RUSF1: variants seen among roughly 807,000 people sequenced by gnomAD.
RUSF1 encodes RUS1 family protein C16orf58.
In RUSF1, 58 loss-of-function variants were observed where a neutral mutation model predicts 63.0. The ratio of observed to expected loss-of-function variants is 0.92; its 90% CI spans 0.75 to 1.15. The LOEUF is 1.15. Among genes scored for constraint, RUSF1 ranks in the 50% most tolerant of loss-of-function variants. The probability of loss-of-function intolerance (pLI) is 0.00; values close to 1 mark genes in which losing one functional copy is unlikely to be tolerated. For missense variants in RUSF1, 652 were observed against 611.0 expected (o/e 1.07, Z -0.71); for synonymous variants, 274 against 255.8 (o/e 1.07, Z -0.68).
chr16:31,505,469 T>C (rs1209910468), intron 2 of RUSF1, among the ~76,000 whole-genome samples: 1 of 152,186 alleles, frequency 6.6e-6, no homozygotes, highest in East Asian at 1.9e-4. Flanking sequence ...CTCTGTGTCT[T>C]ATTTCTTTTC....
rs2082540928 is a variant in RUSF1, at chr16:31,489,550, G to C, written c.*1285C>G. 1 of 613,404 alleles carries C rather than the reference G, an allele frequency of 1.6e-6. No homozygotes were observed. Among genetic ancestry groups the C allele is most frequent in the Admixed American group, 2.7e-5 (1 of 37,174 alleles). 38.0% of individuals were successfully genotyped at this position (613,404 alleles called of 1,614,324 possible). A position where few individuals can be genotyped will look rare whatever the true frequency, so the allele number is the denominator to read the frequency against. On this transcript the variant is annotated 3_prime_UTR_variant, in exon 13 of 13. Coordinates refer to ENST00000327237, the MANE Select transcript of RUSF1 (RefSeq NM_022744.4). The stretch of plus-strand genomic sequence containing the variant: ...GGAGGCTTGATGTTGATGGGTTGGT[G>C]ATTAAAGCCTCCCAAAGCCAATCCT...
At chr16:31,491,050 TGGCA>T in intron 12 of RUSF1, 118 bp from the exon 13 acceptor site, 1 of 899,660 alleles carries the variant, frequency 1.1e-6, no homozygotes, top group Non-Finnish European at 1.7e-6. Flanking sequence ...TGGGTGAGTA[TGGCA>T]TAAAATGAGG....
intron 2 of RUSF1, among the ~76,000 whole-genome samples, chr16:31,502,578 C>T (rs1036665733): frequency 6.6e-6 from 1 of 152,206 alleles, no homozygotes; most frequent in Non-Finnish European, 1.5e-5. Context: ...TGCCCTCTCT[C>T]ACGGCCAGCA....
rs1313094458 is a variant in RUSF1 at position 31,506,525 on chromosome 16, T to TA, written c.415+1238dup. ...AGCCGGGCGCAGTGGCTCACGCCTA[T>TA]AATCCCAGCACTTTGGGAAGCTGAG... On this transcript the variant is annotated intron_variant, in intron 2 of 12. Coordinates refer to ENST00000327237, the MANE Select transcript of RUSF1 (RefSeq NM_022744.4). Among the ~76,000 whole-genome samples, 3 of 152,060 alleles carry TA rather than the reference T, an allele frequency of 2.0e-5. No homozygotes were observed. In the East Asian group the frequency reaches 5.8e-4, roughly 30 times the overall value.
chr16:31,505,330 G>A (rs1047543378), intron 2 of RUSF1, among the ~76,000 whole-genome samples: 2 of 151,926 alleles, frequency 1.3e-5, no homozygotes, highest in Non-Finnish European at 2.9e-5. Context: ...TTCTCCTGCC[G>A]CATTCCCCTT....
rs375802106 is a variant in RUSF1, at chr16:31,490,508, C to T, written c.*327G>A. 9.2e-5 allele frequency: 148 copies of T among 1,613,148 alleles called. No individual in the cohort carries two copies. The highest frequency in any genetic ancestry group is 1.2e-4 in the Non-Finnish European group (137 of 1,179,730). On this transcript the variant is annotated 3_prime_UTR_variant, in exon 13 of 13. Transcript: ENST00000327237. ...ATGCCCTGCTCATGATGGCAGTGGC[C>T]GTGTTCCTCTGGGGCTTCTATGCCT...
intron 10 of RUSF1, 116 bp from the exon 11 acceptor site, chr16:31,492,456 A>G: frequency 8.3e-7 from 1 of 1,209,700 alleles, no homozygotes. Flanking sequence ...ACGGAAGGCT[A>G]GCACCTCACC....
In RUSF1 at chr16:31,508,167, G is replaced by C; in HGVS notation, c.207C>G (p.Pro69=). The change falls in exon 1 of 13, where the codon CCC becomes CCG. Residue 69 remains proline (P), a synonymous_variant. Coordinates refer to ENST00000327237, the MANE Select transcript of RUSF1 (RefSeq NM_022744.4). ...EVGASGAPSP[P]LSGLQAVFLP... ...GGAACACGGCCTGGAGCCCGGAGAG[G>C]GGCGGTGAGGGGGCCCCGGAAGCCC... 6.3e-7 allele frequency: 1 copy of C among 1,578,484 alleles called. No homozygotes were observed. Among genetic ancestry groups the C allele is most frequent in the Non-Finnish European group, 8.6e-7 (1 of 1,163,326 alleles).
Position 31,508,344 on chromosome 16 carries a change from C to T in RUSF1, c.30G>A (p.Pro10=), listed in dbSNP as rs749220473. MADDAGLET[P]LCSEQFGSGE... ...CGGAGCCGAACTGCTCGGAACACAG[C>T]GGGGTCTCCAAACCCGCGTCGTCAG... Residue 10 remains proline, a synonymous_variant, in exon 1 of 13, where the codon CCG becomes CCA. Transcript: ENST00000327237. The T allele has an allele frequency of 6.4e-7, 1 of 1,553,944 alleles. No individual in the cohort carries two copies.
At chr16:31,494,279 G>A (rs1233669046) in intron 6 of RUSF1, among the ~76,000 whole-genome samples, 1 of 152,054 alleles carries the variant, frequency 6.6e-6, no homozygotes, top group Non-Finnish European at 1.5e-5. Flanking sequence ...CTAGCAATCT[G>A]GGAGGCCGAG....
At position 31,508,104 on chromosome 16, in the gene RUSF1, G is replaced by A. The variant is rs1175684108; in HGVS notation, c.270C>T (p.Tyr90=). 10 of 1,605,716 alleles carry A rather than the reference G, an allele frequency of 6.2e-6. No homozygotes were observed. Among genetic ancestry groups the A allele is most frequent in the Non-Finnish European group, 8.5e-6 (10 of 1,176,680 alleles). The change falls in exon 1 of 13, where the codon TAC becomes TAT. Residue 90 remains tyrosine (Y), a synonymous_variant. Coordinates refer to ENST00000327237, the MANE Select transcript of RUSF1 (RefSeq NM_022744.4). ...QGFPDSVSPD[Y]LPYQLWDSVQ... The stretch of plus-strand genomic sequence containing the variant: ...CGGAATCCCACAGCTGGTAGGGCAA[G>A]TAGTCCGGGCTGACGCTATCAGGGA...
rs2082544949 is a variant in RUSF1 at position 31,489,846 on chromosome 16, G to A, written c.*989C>T. ...CCAGTGTCACAAGCGCTACCATCTG[G>A]GTGTAGACAGACCTGAGCTGACAAA... is the stretch of plus-strand genomic sequence containing the variant. On this transcript the variant is annotated 3_prime_UTR_variant, in exon 13 of 13. Transcript: ENST00000327237. The A allele has an allele frequency of 1.9e-6, 1 of 517,878 alleles. No homozygotes were observed. Among genetic ancestry groups the A allele is most frequent in the African/African-American group, 1.9e-5 (1 of 52,280 alleles). The allele number at this position is 517,878 out of a possible 1,614,324, so 32.1% of individuals were successfully genotyped here.
Position 31,508,079 on chromosome 16 carries a change from C to T in RUSF1, c.295G>A (p.Val99Met). ...DYLPYQLWDS[V>M]QAFASSLSGS... ...CCCCAGACGACCGAGCTGACCTGCA[C>T]GGAATCCCACAGCTGGTAGGGCAAG... The change falls in exon 1 of 13, where the codon GTG (valine) becomes ATG (methionine). Residue 99 changes from valine to methionine, a missense_variant. Coordinates refer to ENST00000327237, the MANE Select transcript of RUSF1 (RefSeq NM_022744.4). 4.4e-6 allele frequency: 7 copies of T among 1,602,746 alleles called. No individual in the cohort carries two copies. The highest frequency in any genetic ancestry group is 5.1e-6 in the Non-Finnish European group (6 of 1,175,312).
chr16:31,499,062 C>T (rs769788697), intron 5 of RUSF1, among the ~76,000 whole-genome samples: 8 of 152,238 alleles, frequency 5.3e-5, no homozygotes, highest in Non-Finnish European at 1.2e-4. Context: ...ACAACCCCTT[C>T]TAGTTCTCAG....
chr16:31,493,275 A>G (rs1361048265), intron 9 of RUSF1, 192 bp downstream of exon 9: 2 of 881,884 alleles, frequency 2.3e-6, no homozygotes. Context: ...CCCATCAAGC[A>G]CATCTCTTAC....
chr16:31,506,879 G>A (rs1184954119), intron 2 of RUSF1, among the ~76,000 whole-genome samples: 6 of 152,166 alleles, frequency 3.9e-5, no homozygotes, highest in East Asian at 3.9e-4. Context: ...GTGAGCCACC[G>A]TGCCCGGCCC....
rs930887549 is a variant in RUSF1, at chr16:31,489,834, C to T, written c.*1001G>A. ...AGGACTGCCAGGCCAGTGTCACAAG[C>T]GCTACCATCTGGGTGTAGACAGACC... On this transcript the variant is annotated 3_prime_UTR_variant, in exon 13 of 13. Transcript: ENST00000327237. 6.3e-5 allele frequency: 31 copies of T among 489,888 alleles called. No individual in the cohort carries two copies. Among genetic ancestry groups the T allele is most frequent in the Admixed American group, 1.9e-4 (6 of 31,248 alleles). The allele number at this position is 489,888 out of a possible 1,614,324, so 30.3% of individuals were successfully genotyped here.
chr16:31,502,058 G>C (rs1200228088), intron 2 of RUSF1, among the ~76,000 whole-genome samples: 2 of 152,182 alleles, frequency 1.3e-5, no homozygotes, highest in African/African-American at 4.8e-5. Context: ...TATACAGAGA[G>C]CAGCACCCAT....
intron 5 of RUSF1, among the ~76,000 whole-genome samples, chr16:31,497,624 A>G (rs1323934296): frequency 1.3e-5 from 2 of 152,212 alleles, no homozygotes; most frequent in African/African-American, 4.8e-5. Flanking sequence ...GGCGTGAGCC[A>G]CCGCCCCTGG....
Sources: gnomAD v4.1 joint callset for allele counts (sites outside exome capture counted in the v4.1 genomes callset) on GRCh38, gnomAD v4.1.1 for gene constraint, MANE v1.5 for transcripts, NCBI Gene and HGNC (gene_info 2026-07-23, HGNC 2026-07-21) for gene names.